POC1A: variants seen among roughly 807,000 people sequenced by gnomAD.
The protein encoded by POC1A is POC1 centriolar protein A, also known as POC1 centriolar protein homolog A.
POC1A carries 34 observed loss-of-function variants against 47.8 expected under a neutral mutation model. The ratio of observed to expected loss-of-function variants is 0.71; its 90% CI spans 0.54 to 0.95. The LOEUF (loss-of-function observed/expected upper bound fraction) is 0.95, where lower values mean the gene tolerates loss of function less well. Among genes scored for constraint, POC1A ranks in the 40% least tolerant of loss-of-function variants. The pLI is 0.00. For missense variants in POC1A, 466 were observed against 528.3 expected, an observed-to-expected ratio of 0.88 and a Z score of 1.16; for synonymous variants, 177 against 207.6, an observed-to-expected ratio of 0.85 and a Z score of 1.27.
intron 9 of POC1A, among the ~76,000 whole-genome samples, chr3:52,105,868 C>T (rs963856562): frequency 5.3e-5 from 8 of 152,172 alleles, no homozygotes; most frequent in African/African-American, 1.9e-4. Context: ...ATTCCCCATG[C>T]CAGACTGCGA....
rs975020085 is a variant in POC1A, at chr3:52,090,065, C to T, written c.1125+6504G>A. On this transcript the variant is annotated intron_variant, in intron 10 of 10. Coordinates refer to ENST00000296484, the MANE Select transcript of POC1A (RefSeq NM_015426.5). The surrounding 1 kb of genome is among the most constrained non-coding windows in gnomAD (Gnocchi z 4.2). Reference sequence around the variant, plus strand: ...AATCCTTGGCCTTGTTGAGTTAGGACAGCAAAACGCAATGACTTGAACACT... The same window carrying T: ...AATCCTTGGCCTTGTTGAGTTAGGATAGCAAAACGCAATGACTTGAACACT... Among the ~76,000 whole-genome samples, 5 of 152,198 alleles carry T rather than the reference C, an allele frequency of 3.3e-5. No homozygotes were observed. The highest frequency in any genetic ancestry group is 1.2e-4 in the African/African-American group (5 of 41,436).
intron 6 of POC1A, among the ~76,000 whole-genome samples, chr3:52,144,684 A>G (rs914352720): frequency 6.6e-5 from 10 of 152,320 alleles, no homozygotes; most frequent in Middle Eastern, 3.4e-3. Flanking sequence ...GGCCCCACAG[A>G]GTCAAATGAC....
At position 52,084,551 on chromosome 3, in the gene POC1A, A is replaced by G. The variant is rs774769283; in HGVS notation, c.1126-8566T>C. Among the ~76,000 whole-genome samples, 1 of 152,140 alleles carries G rather than the reference A, an allele frequency of 6.6e-6. No individual in the cohort carries two copies. Among genetic ancestry groups the G allele is most frequent in the Non-Finnish European group, 1.5e-5 (1 of 67,996 alleles). ...AGGCTGCGAGGAAAGCTACTCCACC[A>G]CCACTGACAGCAAAGAACATCTTAG... is the stretch of plus-strand genomic sequence containing the variant. On this transcript the variant is annotated intron_variant, in intron 10 of 10. Transcript: ENST00000296484. The surrounding 1 kb of genome is among the most constrained non-coding windows in gnomAD (Gnocchi z 4.3).
At position 52,116,985 on chromosome 3, in the gene POC1A, C is replaced by T. The variant is rs554284954; in HGVS notation, c.981+5394G>A. 1.9e-4 allele frequency among the ~76,000 whole-genome samples: 29 copies of T among 152,172 alleles called. No individual in the cohort carries two copies. The South Asian group carries it at 5.4e-3, about 28-fold the overall frequency. ...GGTGGATCACCTGAGCTCTCGAGTT[C>T]GAGACCAGCCTGGCCAACATGGTGA... is the stretch of plus-strand genomic sequence containing the variant. On this transcript the variant is annotated intron_variant, in intron 9 of 10. Coordinates refer to ENST00000296484, the MANE Select transcript of POC1A (RefSeq NM_015426.5).
chr3:52,148,582 T>G (rs549868775), intron 4 of POC1A, among the ~76,000 whole-genome samples: 1 of 152,376 alleles, frequency 6.6e-6, no homozygotes, highest in South Asian at 2.1e-4. Flanking sequence ...GCCCGCTGTC[T>G]GCACAGCACT....
At chr3:52,122,172 C>A (rs966795746) in intron 9 of POC1A, among the ~76,000 whole-genome samples, 4 of 152,262 alleles carry the variant, frequency 2.6e-5, no homozygotes, top group Non-Finnish European at 5.9e-5. Flanking sequence ...GCTGTAACAG[C>A]CTCTTTGTGT....
At chr3:52,077,830 A>G (rs1702164963) in intron 10 of POC1A, among the ~76,000 whole-genome samples, 1 of 151,640 alleles carries the variant, frequency 6.6e-6, no homozygotes, top group African/African-American at 2.4e-5. Flanking sequence ...CAGGAACCCA[A>G]TTTGCAAACG....
intron 9 of POC1A, among the ~76,000 whole-genome samples, chr3:52,111,747 TCAGA>T (rs1423390555): frequency 2.0e-5 from 3 of 150,278 alleles, no homozygotes; most frequent in African/African-American, 4.9e-5. Context: ...CATCTCTGGC[TCAGA>T]CAGAGACTCT....
intron 9 of POC1A, 143 bp from the exon 10 acceptor site, chr3:52,096,855 G>T: frequency 1.4e-6 from 1 of 708,554 alleles, no homozygotes; most frequent in Non-Finnish European, 2.3e-6. Flanking sequence ...AGAAACAGCA[G>T]CGTGGCGGTG....
At chr3:52,132,603 A>T (rs962678730) in intron 7 of POC1A, among the ~76,000 whole-genome samples, 5 of 152,228 alleles carry the variant, frequency 3.3e-5, no homozygotes, top group African/African-American at 1.2e-4. Context: ...CAGATTTGAG[A>T]GGCAGAGGGC....
At chr3:52,153,318 C>T (rs904343527) in intron 1 of POC1A, among the ~76,000 whole-genome samples, 42 of 152,216 alleles carry the variant, frequency 2.8e-4, no homozygotes, top group African/African-American at 9.4e-4. Context: ...CTCAAAGAAG[C>T]ATTTTGGGTG....
At chr3:52,122,189 C>A (rs1045305535) in intron 9 of POC1A, among the ~76,000 whole-genome samples, 190 bp downstream of exon 9, 1 of 152,246 alleles carries the variant, frequency 6.6e-6, no homozygotes, top group African/African-American at 2.4e-5. Context: ...GTGTCTTATT[C>A]GTTCACTCTA....
At chr3:52,089,099 G>A (rs1441293974) in intron 10 of POC1A, among the ~76,000 whole-genome samples, 1 of 151,896 alleles carries the variant, frequency 6.6e-6, no homozygotes, top group Non-Finnish European at 1.5e-5. Context: ...CCCCATGGGA[G>A]CTGCCACCCA....
intron 6 of POC1A, among the ~76,000 whole-genome samples, chr3:52,142,709 T>C (rs1698237092): frequency 6.6e-6 from 1 of 152,148 alleles, no homozygotes; most frequent in Non-Finnish European, 1.5e-5. Flanking sequence ...TAGGTTTCCC[T>C]TGGGTTTCCT....
At chr3:52,107,710 C>A (rs994914866) in intron 9 of POC1A, among the ~76,000 whole-genome samples, 1 of 152,202 alleles carries the variant, frequency 6.6e-6, no homozygotes, top group Admixed American at 6.5e-5. Flanking sequence ...CTGTAGATTT[C>A]TTTTATATTA....
intron 10 of POC1A, among the ~76,000 whole-genome samples, chr3:52,089,112 C>A (rs564329394): frequency 4.0e-5 from 6 of 151,868 alleles, no homozygotes; most frequent in African/African-American, 1.5e-4. Flanking sequence ...GCCACCCAGT[C>A]CCCCTGCAAA....
At chr3:52,140,371 A>C (rs1346134793) in intron 6 of POC1A, among the ~76,000 whole-genome samples, 3 of 152,184 alleles carry the variant, frequency 2.0e-5, no homozygotes, top group Non-Finnish European at 1.5e-5. Flanking sequence ...CCCCCCCACC[A>C]GAAAGTCTGC....
Position 52,149,193 on chromosome 3 carries a change from GAC to G in POC1A, c.455+15_455+16del, listed in dbSNP as rs764505330. On this transcript the variant is annotated intron_variant, in intron 4 of 10. Transcript: ENST00000296484. ...CCCAGGGTTCCTCCAAGGGTCTCCA[GAC>G]AGAACAATGCTCACTTGGCACAGCG... The G allele has an allele frequency of 6.2e-7, 1 of 1,613,320 alleles. No individual in the cohort carries two copies. Among genetic ancestry groups the G allele is most frequent in the Admixed American group, 1.7e-5 (1 of 60,012 alleles).
rs1465721596 is a variant in POC1A at position 52,145,833 on chromosome 3, G to A, written c.679+13C>T. 6.3e-7 allele frequency: 1 copy of A among 1,579,166 alleles called. No homozygotes were observed. The highest frequency in any genetic ancestry group is 8.7e-7 in the Non-Finnish European group (1 of 1,148,764). On this transcript the variant is annotated intron_variant, in intron 6 of 10. Coordinates refer to ENST00000296484, the MANE Select transcript of POC1A (RefSeq NM_015426.5). Reference sequence around the variant, plus strand: ...GGGCTGCCCTTGGGCCCAGGAGGCTGTTCACCACTCACACTGATAATGCTG... The same window carrying A: ...GGGCTGCCCTTGGGCCCAGGAGGCTATTCACCACTCACACTGATAATGCTG...
Sources: gnomAD v4.1 joint callset for allele counts (sites outside exome capture counted in the v4.1 genomes callset) on GRCh38, gnomAD v4.1.1 for gene constraint, Gnocchi (gnomAD v3.1) non-coding constraint, MANE v1.5 for transcripts, NCBI Gene and HGNC (gene_info 2026-07-23, HGNC 2026-07-21) for gene names.